Variants in FAM184A observed in about 807,000 individuals in gnomAD.
The protein encoded by FAM184A is family with sequence similarity 184 member A.
FAM184A carries 99 observed loss-of-function variants against 143.8 expected under a neutral mutation model. That is an observed-to-expected ratio of 0.69 (90% CI 0.58 to 0.81). The LOEUF is 0.81. FAM184A is among the 40% of genes least tolerant of loss of function. The pLI is 0.00. For missense variants in FAM184A, 1,217 were observed against 1,310.5 expected, an observed-to-expected ratio of 0.93 and a Z score of 1.10; for synonymous variants, 427 against 446.4, an observed-to-expected ratio of 0.96 and a Z score of 0.55.
upstream of FAM184A, among the ~76,000 whole-genome samples, chr6:119,080,812 TA>T (rs1788040725): frequency 6.6e-6 from 1 of 152,200 alleles, no homozygotes; most frequent in Non-Finnish European, 1.5e-5. Flanking sequence ...AGACACCCTG[TA>T]TTAGTCTGTT....
Position 119,023,159 on chromosome 6 carries a change from G to A in FAM184A, c.1015-79C>T, listed in dbSNP as rs962849037. 3 of 1,481,338 alleles carry A rather than the reference G, an allele frequency of 2.0e-6. No individual in the cohort carries two copies. In the African/African-American group the frequency reaches 4.2e-5, roughly 21 times the overall value. 91.8% of individuals were successfully genotyped at this position (1,481,338 alleles called of 1,614,324 possible). A position where few individuals can be genotyped will look rare whatever the true frequency, so the allele number is the denominator to read the frequency against. ...TAATTCATTTAAATTATAAGGGTCA[G>A]CTTTCTCTTATTCAGAAGTCATACT... is the stretch of plus-strand genomic sequence containing the variant. On this transcript the variant is annotated intron_variant, in intron 2 of 17. Coordinates refer to ENST00000338891, the MANE Select transcript of FAM184A (RefSeq NM_024581.6).
intron 1 of FAM184A, among the ~76,000 whole-genome samples, chr6:119,028,712 T>G (rs1338261285): frequency 6.6e-6 from 1 of 152,194 alleles, no homozygotes; most frequent in Non-Finnish European, 1.5e-5. Context: ...CATGTTTTTC[T>G]GAGTTCTGAG....
intron 6 of FAM184A, among the ~76,000 whole-genome samples, chr6:119,007,641 T>C (rs540883782): frequency 3.4e-4 from 52 of 152,324 alleles, no homozygotes; most frequent in Admixed American, 3.2e-3. Context: ...AAATAAATTA[T>C]AAAGAATAGT....
intron 3 of FAM184A, among the ~76,000 whole-genome samples, chr6:119,022,583 T>G (rs1339657626): frequency 6.6e-6 from 1 of 152,188 alleles, no homozygotes; most frequent in African/African-American, 2.4e-5. Flanking sequence ...AATTAACATT[T>G]AAGTGTTGGG....
intron 8 of FAM184A, 33 bp from the exon 9 acceptor site, chr6:119,003,082 G>A: frequency 6.4e-7 from 1 of 1,563,864 alleles, no homozygotes. Context: ...ACTTTGTAAA[G>A]AGAATTATTC....
At chr6:119,096,808 T>C (rs1788522333) in intron 1 of FAM184A, among the ~76,000 whole-genome samples, 1 of 152,076 alleles carries the variant, frequency 6.6e-6, no homozygotes, top group African/African-American at 2.4e-5. Flanking sequence ...ACCAATTACT[T>C]CCCCACCCCC....
intron 1 of FAM184A, among the ~76,000 whole-genome samples, chr6:119,146,678 T>C (rs1426711567): frequency 6.6e-6 from 1 of 152,108 alleles, no homozygotes; most frequent in Non-Finnish European, 1.5e-5. Context: ...GTGTCACCAA[T>C]TGGCTCATAT....
chr6:119,005,882 T>G, intron 7 of FAM184A: 1 of 471,660 alleles, frequency 2.1e-6, no homozygotes, highest in Non-Finnish European at 3.8e-6. Flanking sequence ...AGAGAAGCAC[T>G]TAGTTGCTGT....
At chr6:119,099,163 C>T (rs1788581210) in intron 1 of FAM184A, among the ~76,000 whole-genome samples, 1 of 152,114 alleles carries the variant, frequency 6.6e-6, no homozygotes, top group African/African-American at 2.4e-5. Context: ...GAGGGGCGCA[C>T]ACCTGAAGAG....
chr6:119,096,590 T>C lies in FAM184A; in HGVS notation c.-202+52488A>G, dbSNP rs1350028842. ...GGCGGAGCTTGCAGTGAGCCGAGATTGCGCCACTGCAGTCCGCAGTCCGGC... is the reference window on the plus strand; with the variant it reads ...GGCGGAGCTTGCAGTGAGCCGAGATCGCGCCACTGCAGTCCGCAGTCCGGC... On this transcript the variant is annotated intron_variant, in intron 1 of 16. Transcript: ENST00000352896. 1.7e-4 allele frequency among the ~76,000 whole-genome samples: 17 copies of C among 101,608 alleles called. 5 individuals are homozygous for C. The highest frequency in any genetic ancestry group is 2.6e-4 in the African/African-American group (7 of 26,936). The allele number at this position is 101,608 out of a possible 152,430, so 66.7% of individuals were successfully genotyped here. A position where few individuals can be genotyped will look rare whatever the true frequency, so the allele number is the denominator to read the frequency against.
At chr6:119,041,245 T>C (rs1786316473) in intron 1 of FAM184A, among the ~76,000 whole-genome samples, 1 of 151,994 alleles carries the variant, frequency 6.6e-6, no homozygotes, top group Admixed American at 6.6e-5. Flanking sequence ...GGGACAGAGA[T>C]GAAGGGTGGT....
chr6:119,069,526 G>C (rs1262250664), intron 1 of FAM184A, among the ~76,000 whole-genome samples: 2 of 152,104 alleles, frequency 1.3e-5, no homozygotes, highest in Non-Finnish European at 2.9e-5. Flanking sequence ...CCAATGTCTA[G>C]AATTTGTAAA....
At chr6:119,018,462 A>C (rs957126112) in intron 4 of FAM184A, among the ~76,000 whole-genome samples, 1 of 152,176 alleles carries the variant, frequency 6.6e-6, no homozygotes, top group Non-Finnish European at 1.5e-5. Context: ...GGAGACAGAA[A>C]GTCTGTGCAG....
At chr6:119,135,561 T>C (rs1373855174) in intron 1 of FAM184A, among the ~76,000 whole-genome samples, 1 of 152,210 alleles carries the variant, frequency 6.6e-6, no homozygotes, top group African/African-American at 2.4e-5. Context: ...TGAATGAATG[T>C]TCTTAAATAT....
At chr6:118,992,555 C>T (rs752014176) in intron 9 of FAM184A, among the ~76,000 whole-genome samples, 1 of 152,208 alleles carries the variant, frequency 6.6e-6, no homozygotes, top group Non-Finnish European at 1.5e-5. Flanking sequence ...TGTCTATGCA[C>T]CAAGAAGCAG....
At chr6:119,119,678 A>G (rs1789160078) in intron 1 of FAM184A, among the ~76,000 whole-genome samples, 1 of 152,150 alleles carries the variant, frequency 6.6e-6, no homozygotes, top group Non-Finnish European at 1.5e-5. Flanking sequence ...AAAAAGTAAT[A>G]GCTATATTGA....
intron 6 of FAM184A, among the ~76,000 whole-genome samples, chr6:119,009,928 T>C (rs1322413679): frequency 6.6e-6 from 1 of 152,182 alleles, no homozygotes; most frequent in Non-Finnish European, 1.5e-5. Context: ...GAATAAAATC[T>C]CTTTAACATC....
intron 9 of FAM184A, among the ~76,000 whole-genome samples, chr6:118,984,272 C>T (rs1384652091): frequency 6.7e-6 from 1 of 148,294 alleles, no homozygotes; most frequent in Non-Finnish European, 1.5e-5. Context: ...ACTGCAGCCT[C>T]AACCACCTGG....
At chr6:119,048,757 G>A (rs1786631014) in intron 1 of FAM184A, among the ~76,000 whole-genome samples, 3 of 152,168 alleles carry the variant, frequency 2.0e-5, no homozygotes, top group African/African-American at 7.2e-5. Flanking sequence ...ATGGTTACCA[G>A]AGGCTGGGAA....
Sources: gnomAD v4.1 joint callset for allele counts (sites outside exome capture counted in the v4.1 genomes callset) on GRCh38, gnomAD v4.1.1 for gene constraint, MANE v1.5 for transcripts, NCBI Gene and HGNC (gene_info 2026-07-23, HGNC 2026-07-21) for gene names.